The following FCHO1 variants were observed in gnomAD, a reference collection of about 807,000 sequenced individuals.
FCHO1 encodes the protein FCH and mu domain containing endocytic adaptor 1, also known as F-BAR domain only protein 1.
Under a neutral mutation model 114.4 loss-of-function variants are expected in FCHO1, and 45 were observed. The observed-to-expected ratio is 0.39, with a 90% CI of 0.31 to 0.50. The LOEUF (loss-of-function observed/expected upper bound fraction) is 0.50. Ranked by LOEUF, FCHO1 falls within the 20% of genes least tolerant of loss-of-function variation. FCHO1 has a pLI of 0.77. For missense variants in FCHO1, 1,042 were observed against 1,209.6 expected (o/e 0.86, Z 2.06); for synonymous variants, 480 against 488.9 (o/e 0.98, Z 0.24).
intron 18 of FCHO1, among the ~76,000 whole-genome samples, chr19:17,777,218 CA>C (rs1323837932): frequency 6.6e-6 from 1 of 152,090 alleles, no homozygotes; most frequent in Non-Finnish European, 1.5e-5. Flanking sequence ...CTCAGAGTCA[CA>C]TTCTAGTGAC....
intron 23 of FCHO1, 132 bp from the exon 24 acceptor site, chr19:17,782,885 G>A (rs866605861): frequency 1.0e-6 from 1 of 963,928 alleles, no homozygotes; most frequent in South Asian, 1.7e-5. Flanking sequence ...AGGATACGGG[G>A]GATCATCAGG....
chr19:17,755,105 C>G lies in FCHO1; in HGVS notation c.-47-13C>G. 6.4e-7 allele frequency: 1 copy of G among 1,567,458 alleles called. No homozygotes were observed. The highest frequency in any genetic ancestry group is 8.8e-7 in the Non-Finnish European group (1 of 1,137,608). Reference sequence around the variant, plus strand: ...GCAATGACTCTGTAGCTCAAACTTGCCTCTCTCTTCAGACAGGCACTGGAC... The same window carrying G: ...GCAATGACTCTGTAGCTCAAACTTGGCTCTCTCTTCAGACAGGCACTGGAC... On this transcript the variant is annotated splice_polypyrimidine_tract_variant and intron_variant, in intron 3 of 28. Transcript: ENST00000596536.
At chr19:17,770,934 T>C (rs753362747) in intron 9 of FCHO1, 38 bp downstream of exon 9, 1 of 1,560,948 alleles carries the variant, frequency 6.4e-7, no homozygotes, top group African/African-American at 1.4e-5. Context: ...GACCCACACA[T>C]GCCTTTGCCC....
At chr19:17,765,072 A>T (rs1009236206) in intron 6 of FCHO1, among the ~76,000 whole-genome samples, 5 of 151,166 alleles carry the variant, frequency 3.3e-5, no homozygotes, top group African/African-American at 1.2e-4. Flanking sequence ...TTTTGAAAAA[A>T]AAAAAAAAAA....
rs765690866 is a variant in FCHO1, at chr19:17,778,854, C to T, written c.1597C>T (p.Pro533Ser). ...SPQPLASSPG[P>S]WGLEALAGGD... ...GCAGCCCCTCGCCTCGTCTCCAGGC[C>T]CCTGGGGGCTGGAGGCCTTGGCCGG... Residue 533 changes from proline to serine, a missense_variant, in exon 20 of 29, where the codon CCC (proline) becomes TCC (serine). By Grantham distance (74) the Pro-to-Ser change is moderately conservative. Around this residue, in one of 3 missense-constraint regions of FCHO1, gnomAD observed 455 missense variants for 455.4 expected, o/e 1.00. Transcript: ENST00000596536. 2 of 1,567,422 alleles carry T rather than the reference C, an allele frequency of 1.3e-6. No homozygotes were observed. The highest frequency in any genetic ancestry group is 2.3e-5 in the East Asian group (1 of 43,960).
Position 17,764,470 on chromosome 19 carries a change from C to T in FCHO1, c.194+21C>T, listed in dbSNP as rs748433915. ...ATGGGGTGAGTGGGGTAGGGGTCAC[C>T]AACATGGGGACATTGGGAGCCTCCT... On this transcript the variant is annotated intron_variant, in intron 6 of 28. Transcript: ENST00000596536. 8.2e-6 allele frequency: 13 copies of T among 1,588,206 alleles called. No homozygotes were observed. In the East Asian group the frequency reaches 2.5e-4, roughly 30 times the overall value.
rs1017255563 is a variant in FCHO1, at chr19:17,783,230, G to A, written c.2093+58G>A. The A allele has an allele frequency of 7.2e-6, 11 of 1,535,882 alleles. No homozygotes were observed. The African/African-American group carries it at 1.3e-4, about 17-fold the overall frequency. ...GAGGCTGCTGGGGATCAGGCTTCCG[G>A]ACTCTGAGTTCCCTCTCTGCTTCCT... On this transcript the variant is annotated intron_variant, in intron 24 of 28. Transcript: ENST00000596536.
At chr19:17,772,354 T>G in intron 9 of FCHO1, 103 bp from the exon 10 acceptor site, 2 of 844,266 alleles carry the variant, frequency 2.4e-6, no homozygotes, top group South Asian at 2.8e-5. Flanking sequence ...AATCAATCAC[T>G]GAGCCAAGGG....
In FCHO1 at chr19:17,776,661, C is replaced by A. The variant is rs2092670521; in HGVS notation, c.1234C>A (p.Pro412Thr). ...GGACGCTGCTGGGAAACCCCAGAGACCTCGGTCTGCCCCCAGAACCAGCAG... is the reference window on the plus strand; with the variant it reads ...GGACGCTGCTGGGAAACCCCAGAGAACTCGGTCTGCCCCCAGAACCAGCAG... ...SRDAAGKPQRPRSAPRTSSCA... is the reference protein window; with the variant it reads ...SRDAAGKPQRTRSAPRTSSCA... Residue 412 changes from proline to threonine, a missense_variant, in exon 18 of 29, where the codon CCT becomes ACT. This residue lies in a region of FCHO1 where 455 missense variants were observed against 455.4 expected (regional missense o/e 1.00). Transcript: ENST00000596536. This position sits in a 1 kb window ranked among gnomAD's most constrained non-coding sequence, Gnocchi z 4.4. The A allele has an allele frequency of 4.3e-6, 7 of 1,613,800 alleles. No individual in the cohort carries two copies. In the East Asian group the frequency reaches 1.6e-4, roughly 36 times the overall value.
intron 4 of FCHO1, among the ~76,000 whole-genome samples, chr19:17,761,467 T>A (rs1454940297): frequency 1.3e-5 from 2 of 151,856 alleles, no homozygotes; most frequent in African/African-American, 4.8e-5. Flanking sequence ...TATATTTTAT[T>A]AATGGTGTAT....
intron 26 of FCHO1, among the ~76,000 whole-genome samples, chr19:17,785,221 T>A (rs2093766222): frequency 6.6e-6 from 1 of 152,158 alleles, no homozygotes; most frequent in Non-Finnish European, 1.5e-5. Context: ...TATTTATTTA[T>A]TTAATTTATT....
rs187194044 is a variant in FCHO1, at chr19:17,769,443, G to A, written c.337-982G>A. On this transcript the variant is annotated intron_variant, in intron 7 of 28. Coordinates refer to ENST00000596536, the MANE Select transcript of FCHO1 (RefSeq NM_015122.3). ...TACAAAAGAAAAATTAGCCGGGCGT[G>A]GTGGCGGCGCCTGTAGTCTCAGCTA... Among the ~76,000 whole-genome samples, 23 of 151,852 alleles carry A rather than the reference G, an allele frequency of 1.5e-4. No homozygotes were observed. The East Asian group carries it at 3.9e-3, about 26-fold the overall frequency.
intron 22 of FCHO1, 65 bp from the exon 23 acceptor site, chr19:17,781,639 GGGAGTCTC>G: frequency 6.5e-7 from 1 of 1,547,016 alleles, no homozygotes; most frequent in Non-Finnish European, 8.9e-7. Context: ...GTTGGGCGGA[GGGAGTCTC>G]GAGCCTGGAG....
At position 17,776,046 on chromosome 19, in the gene FCHO1, A is replaced by C. The variant is rs2092592706; in HGVS notation, c.1067A>C (p.Lys356Thr). Residue 356 changes from lysine (K) to threonine (T), a missense_variant, in exon 16 of 29, where the codon AAG becomes ACG. Around this residue, in one of 3 missense-constraint regions of FCHO1, gnomAD observed 450 missense variants for 564.1 expected, o/e 0.80. Transcript: ENST00000596536. This position sits in a 1 kb window ranked among gnomAD's most constrained non-coding sequence, Gnocchi z 4.4. Reference protein sequence around the residue: ...DSDFDDEEPRKFYVHIKPAPA... With the variant: ...DSDFDDEEPRTFYVHIKPAPA... ...GACTTCGACGATGAAGAGCCCCGCA[A>C]GTTCTATGTGCACATCAAGCCTGCC... is the stretch of plus-strand genomic sequence containing the variant. The C allele has an allele frequency of 1.2e-6, 2 of 1,610,694 alleles. No individual in the cohort carries two copies. The highest frequency in any genetic ancestry group is 1.7e-6 in the Non-Finnish European group (2 of 1,179,986).
chr19:17,768,739 G>T (rs2090337732), intron 7 of FCHO1, among the ~76,000 whole-genome samples: 1 of 151,770 alleles, frequency 6.6e-6, no homozygotes, highest in Admixed American at 6.6e-5. Context: ...GAGAGAAGGG[G>T]TCCTGCTGTG....
Position 17,772,677 on chromosome 19 carries a change from C to T in FCHO1, c.726C>T (p.Asn242=), listed in dbSNP as rs1434693824. Residue 242 remains asparagine, a synonymous_variant, in exon 11 of 29, where the codon AAC becomes AAT. Transcript: ENST00000596536. The part of the protein sequence containing the change: ...VHEEFKQNIE[N]VSVEMLLRKF... ...AGGAATTTAAGCAGAACATCGAGAA[C>T]GTCAGCGTGGAGATGCTACTCAGGA... 6.2e-6 allele frequency: 10 copies of T among 1,614,018 alleles called. No homozygotes were observed. Among genetic ancestry groups the T allele is most frequent in the Non-Finnish European group, 7.6e-6 (9 of 1,180,050 alleles).
In FCHO1 at chr19:17,784,192, A is replaced by C; in HGVS notation, c.2183A>C (p.Asn728Thr). 2.5e-6 allele frequency: 4 copies of C among 1,613,460 alleles called. No individual in the cohort carries two copies. Among genetic ancestry groups the C allele is most frequent in the Middle Eastern group, 1.7e-4 (1 of 5,968 alleles). The change falls in exon 25 of 29, where the codon AAC (asparagine) becomes ACC (threonine). Residue 728 changes from asparagine (N) to threonine (T), a missense_variant. By Grantham distance (65) the Asn-to-Thr change is moderately conservative. This residue lies in a region of FCHO1 where 455 missense variants were observed against 455.4 expected (regional missense o/e 1.00). Coordinates refer to ENST00000596536, the MANE Select transcript of FCHO1 (RefSeq NM_015122.3). The surrounding 1 kb of genome is among the most constrained non-coding windows in gnomAD (Gnocchi z 5.3). Reference sequence around the variant, plus strand: ...GCCCTGCAGCGCCAGGCAGAGCAGAACCCCACTGCCTCCTACTACAACGTG... The same window carrying C: ...GCCCTGCAGCGCCAGGCAGAGCAGACCCCCACTGCCTCCTACTACAACGTG... ...TEALQRQAEQ[N>T]PTASYYNVVL...
At position 17,788,367 on chromosome 19, in the gene FCHO1, G is replaced by A; in HGVS notation, c.*61G>A. The A allele has an allele frequency of 2.9e-6, 4 of 1,356,216 alleles. No individual in the cohort carries two copies. Among genetic ancestry groups the A allele is most frequent in the Non-Finnish European group, 4.2e-6 (4 of 958,874 alleles). 84.0% of individuals were successfully genotyped at this position (1,356,216 alleles called of 1,614,324 possible). On this transcript the variant is annotated 3_prime_UTR_variant, in exon 29 of 29. Coordinates refer to ENST00000596536, the MANE Select transcript of FCHO1 (RefSeq NM_015122.3). ...CCCTGGTGCTGGCTGACCACCCCCT[G>A]CCCTCCTGCCGGACCCTGGGGCCTC...
rs200219973 is a variant in FCHO1, at chr19:17,767,563, T to A, written c.336+753T>A. The stretch of plus-strand genomic sequence containing the variant: ...GCCTAGGCAACAGAGAAAGACTGTC[T>A]AAAAAAAAAAAAAAAAAAAACAAGA... On this transcript the variant is annotated intron_variant, in intron 7 of 28. Coordinates refer to ENST00000596536, the MANE Select transcript of FCHO1 (RefSeq NM_015122.3). Among the ~76,000 whole-genome samples, 51 of 114,276 alleles carry A rather than the reference T, an allele frequency of 4.5e-4. 1 individual carries two copies. Among genetic ancestry groups the A allele is most frequent in the East Asian group, 1.2e-3 (5 of 4,074 alleles). 75.0% of individuals were successfully genotyped at this position (114,276 alleles called of 152,430 possible).
Sources: allele counts gnomAD v4.1 joint callset (sites outside exome capture counted in the v4.1 genomes callset), GRCh38; gene constraint gnomAD v4.1.1; regional missense constraint gnomAD v4.1.1; non-coding constraint Gnocchi (gnomAD v3.1); transcripts MANE v1.5; gene names NCBI Gene and HGNC (gene_info 2026-07-23, HGNC 2026-07-21).